Variants in ZNF423 observed in about 807,000 individuals in gnomAD.
The protein encoded by ZNF423 is zinc finger protein 423.
In ZNF423, 12 loss-of-function variants were observed where a neutral mutation model predicts 95.8. The observed-to-expected ratio is 0.13, with a 90% CI of 0.08 to 0.20. The LOEUF is 0.20. ZNF423 is among the 10% of genes least tolerant of loss of function. The pLI, the probability that ZNF423 is intolerant of heterozygous loss-of-function variation, is 1.00. For synonymous variants in ZNF423, 749 were observed against 711.9 expected (o/e 1.05, Z -0.83); for missense variants, 1,316 against 1,737.1 (o/e 0.76, Z 4.31).
chr16:49,819,931 G>A (rs1392790755), intron 1 of ZNF423, among the ~76,000 whole-genome samples: 1 of 152,136 alleles, frequency 6.6e-6, no homozygotes, highest in Non-Finnish European at 1.5e-5. Context: ...CCCAACTGTA[G>A]GCTAATGTAG....
At chr16:49,735,733 G>C (rs2033271384) in intron 2 of ZNF423, among the ~76,000 whole-genome samples, 1 of 152,074 alleles carries the variant, frequency 6.6e-6, no homozygotes, top group Non-Finnish European at 1.5e-5. Flanking sequence ...GCACATAGGG[G>C]CTCCAGTCAA....
At chr16:49,527,506 A>G (rs1968661829) in intron 5 of ZNF423, among the ~76,000 whole-genome samples, 1 of 152,102 alleles carries the variant, frequency 6.6e-6, no homozygotes, top group Admixed American at 6.5e-5. Context: ...AACATTGCCC[A>G]GTGCCTGGCA....
intron 3 of ZNF423, among the ~76,000 whole-genome samples, chr16:49,707,240 A>G (rs142382306): frequency 6.6e-6 from 1 of 151,788 alleles, no homozygotes; most frequent in African/African-American, 2.4e-5. Flanking sequence ...TGTCTGCAGT[A>G]CTCTCCCCAC....
chr16:49,625,166 C>T (rs1972215465), intron 5 of ZNF423, among the ~76,000 whole-genome samples: 2 of 152,190 alleles, frequency 1.3e-5, no homozygotes, highest in African/African-American at 4.8e-5. Context: ...ATCACGAGGT[C>T]AGGAGTTCAA....
chr16:49,546,379 G>A (rs1297328902), intron 5 of ZNF423, among the ~76,000 whole-genome samples: 4 of 152,036 alleles, frequency 2.6e-5, no homozygotes, highest in Non-Finnish European at 5.9e-5. Context: ...TACTCGGTGG[G>A]GTGTCCTTGG....
At chr16:49,857,351 C>T (rs879790186), upstream of ZNF423, among the ~76,000 whole-genome samples, 44 of 150,550 alleles carry the variant, frequency 2.9e-4, no homozygotes, top group African/African-American at 8.7e-4. The surrounding 1 kb of genome is among the most constrained non-coding windows in gnomAD (Gnocchi z 6.2). Context: ...GCGCGGGCAC[C>T]GCACCAGCAC....
intron 2 of ZNF423, among the ~76,000 whole-genome samples, chr16:49,779,954 G>T (rs1420237720): frequency 1.3e-5 from 2 of 152,170 alleles, no homozygotes; most frequent in Non-Finnish European, 2.9e-5. Context: ...GAGCAACTGC[G>T]CTGCAAAATC....
At chr16:49,677,471 AAAAGG>A (rs199954630) in intron 3 of ZNF423, among the ~76,000 whole-genome samples, 22 of 151,712 alleles carry the variant, frequency 1.5e-4, no homozygotes, top group Admixed American at 3.9e-4. Flanking sequence ...AAGAGAAAAG[AAAAGG>A]AAAGGAAAGG....
chr16:49,555,222 C>T (rs192230459), intron 5 of ZNF423, among the ~76,000 whole-genome samples: 64 of 152,300 alleles, frequency 4.2e-4, no homozygotes, highest in African/African-American at 1.5e-3. Flanking sequence ...GTCAGTAGGT[C>T]CCTCCCACTC....
At chr16:49,822,668 A>T in intron 1 of ZNF423, 1 of 1,609,388 alleles carries the variant, frequency 6.2e-7, no homozygotes, top group Non-Finnish European at 8.5e-7. Context: ...TCCCCTGCTC[A>T]CCCCTCTTCT....
chr16:49,601,881 C>T (rs995798967), intron 5 of ZNF423, among the ~76,000 whole-genome samples: 1 of 152,198 alleles, frequency 6.6e-6, no homozygotes, highest in African/African-American at 2.4e-5. Context: ...GGGCTTGTTC[C>T]TCAAGACCCT....
intron 1 of ZNF423, among the ~76,000 whole-genome samples, chr16:49,851,608 T>C (rs549906847): frequency 3.0e-4 from 46 of 152,222 alleles, no homozygotes; most frequent in Non-Finnish European, 6.3e-4. Context: ...CACTGTAGCA[T>C]GCCACAACAT....
intron 5 of ZNF423, among the ~76,000 whole-genome samples, chr16:49,615,730 A>G (rs535329300): frequency 3.3e-5 from 5 of 152,228 alleles, no homozygotes; most frequent in African/African-American, 4.8e-5. Flanking sequence ...AGGCACCAGG[A>G]GCATCACCCA....
At chr16:49,512,140 T>C (rs1967923801) in intron 7 of ZNF423, among the ~76,000 whole-genome samples, 2 of 152,216 alleles carry the variant, frequency 1.3e-5, no homozygotes, top group African/African-American at 2.4e-5. Flanking sequence ...CCCTGCAACA[T>C]GTGAGGGGCT....
intron 3 of ZNF423, among the ~76,000 whole-genome samples, chr16:49,719,100 G>A (rs892864768): frequency 2.0e-5 from 3 of 152,172 alleles, no homozygotes; most frequent in Non-Finnish European, 4.4e-5. Flanking sequence ...ACAATTTTCA[G>A]ATCTTTATGC....
rs571198316 is a variant in ZNF423 at position 49,663,022 on chromosome 16, C to A, written c.302-24148G>T. 4.8e-3 allele frequency among the ~76,000 whole-genome samples: 734 copies of A among 152,250 alleles called. 8 individuals are homozygous for A. Among genetic ancestry groups the A allele is most frequent in the Non-Finnish European group, 7.0e-3 (477 of 68,016 alleles). ...TCAACCTCTCTGGTCTTGGTTTCGG[C>A]AACAGCTAATCAGAACTGAGCATTA... On this transcript the variant is annotated intron_variant, in intron 3 of 7. Transcript: ENST00000563137.
chr16:49,690,278 T>A (rs2031728093), intron 3 of ZNF423, among the ~76,000 whole-genome samples: 1 of 152,150 alleles, frequency 6.6e-6, no homozygotes, highest in South Asian at 2.1e-4. Context: ...ACTGTCAAGA[T>A]CCAAATCACT....
chr16:49,805,862 G>A (rs1055698979), intron 1 of ZNF423, among the ~76,000 whole-genome samples: 2 of 152,202 alleles, frequency 1.3e-5, no homozygotes, highest in Non-Finnish European at 2.9e-5. Context: ...GGCGTCCAAC[G>A]AGCAACACGA....
At chr16:49,707,522 C>G (rs2032392378) in intron 3 of ZNF423, among the ~76,000 whole-genome samples, 1 of 150,344 alleles carries the variant, frequency 6.7e-6, no homozygotes, top group Non-Finnish European at 1.5e-5. Context: ...GAGGCTGAGG[C>G]AGGAGAATCA....
Sources: allele counts gnomAD v4.1 joint callset (sites outside exome capture counted in the v4.1 genomes callset), GRCh38; gene constraint gnomAD v4.1.1; non-coding constraint Gnocchi (gnomAD v3.1); transcripts MANE v1.5; gene names NCBI Gene and HGNC (gene_info 2026-07-23, HGNC 2026-07-21).